Variants in CYB561 observed in about 807,000 individuals in gnomAD.
CYB561 encodes cytochrome b561.
CYB561 carries 11 observed loss-of-function variants against 25.3 expected under a neutral mutation model. The ratio of observed to expected loss-of-function variants is 0.44; its 90% confidence interval spans 0.27 to 0.72. CYB561 has a LOEUF of 0.72. CYB561 is among the 30% of genes least tolerant of loss of function. The pLI, the probability that CYB561 is intolerant of heterozygous loss-of-function variation, is 0.18. For missense variants in CYB561, 295 were observed against 334.9 expected, an observed-to-expected ratio of 0.88 and a Z score of 0.93; for synonymous variants, 165 against 158.8, an observed-to-expected ratio of 1.04 and a Z score of -0.29.
At chr17:63,443,503 C>T (rs922282166) in intron 1 of CYB561, among the ~76,000 whole-genome samples, 3 of 152,192 alleles carry the variant, frequency 2.0e-5, no homozygotes, top group Non-Finnish European at 2.9e-5. Flanking sequence ...TCCTTTCTCC[C>T]ACAAGACAGA....
At chr17:63,435,622 CA>C in intron 4 of CYB561, 65 bp downstream of exon 4, 1 of 1,304,618 alleles carries the variant, frequency 7.7e-7, no homozygotes, top group East Asian at 2.3e-5. Context: ...CATTTCAGCC[CA>C]GCTCCCCTCC....
At chr17:63,438,279 G>A (rs1016951060) in intron 1 of CYB561, 2 of 1,440,586 alleles carry the variant, frequency 1.4e-6, no homozygotes, top group African/African-American at 2.8e-5. Flanking sequence ...ACACAGGCAA[G>A]CGCGCTCCTT....
chr17:63,433,767 C>T lies in CYB561; in HGVS notation c.*635G>A. On this transcript the variant is annotated 3_prime_UTR_variant, in exon 6 of 6. Transcript: ENST00000360793. ...TCATGGGCTTCTATCCCCTCTCCCA[C>T]CAAAGCCATCCTAGGGCTAAAGGGT... 4.8e-6 allele frequency: 1 copy of T among 209,086 alleles called. No homozygotes were observed. The highest frequency in any genetic ancestry group is 9.4e-6 in the Non-Finnish European group (1 of 106,456). 13.0% of individuals were successfully genotyped at this position (209,086 alleles called of 1,614,324 possible).
At chr17:63,446,598 G>A (rs995045208), upstream of CYB561, among the ~76,000 whole-genome samples, 3 of 152,062 alleles carry the variant, frequency 2.0e-5, no homozygotes, top group African/African-American at 7.2e-5. Context: ...GGCCTGCCTC[G>A]AGGGCCGCGG....
At position 63,434,157 on chromosome 17, in the gene CYB561, T is replaced by G. The variant is rs909161126; in HGVS notation, c.*245A>C. ...AACACCCGAAGTCCTACCCAAAGCC[T>G]TCTGCACTGAAGGGGGCAACAGAGA... On this transcript the variant is annotated 3_prime_UTR_variant, in exon 6 of 6. Transcript: ENST00000360793. The G allele has an allele frequency of 1.0e-4, 51 of 491,382 alleles. No homozygotes were observed. Among genetic ancestry groups the G allele is most frequent in the Middle Eastern group, 1.0e-3 (2 of 1,930 alleles). The allele number at this position is 491,382 out of a possible 1,614,324, so 30.4% of individuals were successfully genotyped here. A position where few individuals can be genotyped will look rare whatever the true frequency, so the allele number is the denominator to read the frequency against.
intron 1 of CYB561, chr17:63,438,248 G>T: frequency 1.3e-6 from 2 of 1,534,666 alleles, no homozygotes; most frequent in Non-Finnish European, 1.7e-6. Flanking sequence ...GCCTTCCCTG[G>T]GTGGGCTTTA....
chr17:63,438,203 G>C, intron 1 of CYB561: 4 of 1,535,702 alleles, frequency 2.6e-6, no homozygotes, highest in Non-Finnish European at 3.5e-6. Context: ...CAAGGGCCCA[G>C]TGCCCGGCTT....
At position 63,434,499 on chromosome 17, in the gene CYB561, G is replaced by A; in HGVS notation, c.659C>T (p.Thr220Ile). Residue 220 changes from threonine (T) to isoleucine (I), a missense_variant, in exon 6 of 6, where the codon ACC becomes ATC. Coordinates refer to ENST00000360793, the MANE Select transcript of CYB561 (RefSeq NM_001915.4). ...GGAAGGCCGCTTCCAGTCGGCCCGGGTCAAGATGTAGAGCACCGCCCCACC... is the reference window on the plus strand; with the variant it reads ...GGAAGGCCGCTTCCAGTCGGCCCGGATCAAGATGTAGAGCACCGCCCCACC... Reference protein sequence around the residue: ...CFGGAVLYILTRADWKRPSQA... With the variant: ...CFGGAVLYILIRADWKRPSQA... The A allele has an allele frequency of 6.2e-7, 1 of 1,613,392 alleles. No individual in the cohort carries two copies. Among genetic ancestry groups the A allele is most frequent in the Non-Finnish European group, 8.5e-7 (1 of 1,179,858 alleles).
At position 63,434,644 on chromosome 17, in the gene CYB561, C is replaced by T. The variant is rs370305382; in HGVS notation, c.564-50G>A. 1.8e-5 allele frequency: 28 copies of T among 1,515,026 alleles called. No homozygotes were observed. The African/African-American group carries it at 3.7e-4, about 20-fold the overall frequency. The allele number at this position is 1,515,026 out of a possible 1,614,324, so 93.8% of individuals were successfully genotyped here. ...AGCTGCCCAAGGGGTCACAATTAGG[C>T]CAAATGCCCTTTGTATCCTGGGCCT... On this transcript the variant is annotated intron_variant, in intron 5 of 5. Transcript: ENST00000360793.
At chr17:63,446,158 C>A (rs1296099884) in intron 1 of CYB561, 87 bp downstream of exon 1, 4 of 152,204 alleles carry the variant, frequency 2.6e-5, no homozygotes, top group African/African-American at 9.7e-5. Flanking sequence ...CCCGCGCTGT[C>A]CCTCCCTGCG....
At chr17:63,439,731 C>G (rs549861440) in intron 1 of CYB561, among the ~76,000 whole-genome samples, 2 of 152,276 alleles carry the variant, frequency 1.3e-5, no homozygotes, top group African/African-American at 4.8e-5. Context: ...ATTTTCTAAC[C>G]TGCTTTTTAA....
Position 63,433,984 on chromosome 17 carries a change from G to A in CYB561, c.*418C>T, listed in dbSNP as rs771462058. 5.0e-6 allele frequency: 1 copy of A among 199,602 alleles called. No homozygotes were observed. Among genetic ancestry groups the A allele is most frequent in the South Asian group, 1.8e-4 (1 of 5,466 alleles). The allele number at this position is 199,602 out of a possible 1,614,324, so 12.4% of individuals were successfully genotyped here. On this transcript the variant is annotated 3_prime_UTR_variant, in exon 6 of 6. Transcript: ENST00000360793. The stretch of plus-strand genomic sequence containing the variant: ...GTTATTCAGGCTGGAGGGACTCCTT[G>A]TTTGAATTCAGCAGCCATCGTGGCC...
At chr17:63,437,248 C>T in intron 2 of CYB561, 98 bp downstream of exon 2, 1 of 919,164 alleles carries the variant, frequency 1.1e-6, no homozygotes, top group East Asian at 2.4e-5. Context: ...TTAGATTTGT[C>T]CAACCAGAAG....
At position 63,434,165 on chromosome 17, in the gene CYB561, T is replaced by C; in HGVS notation, c.*237A>G. On this transcript the variant is annotated 3_prime_UTR_variant, in exon 6 of 6. Coordinates refer to ENST00000360793, the MANE Select transcript of CYB561 (RefSeq NM_001915.4). The stretch of plus-strand genomic sequence containing the variant: ...AAGTCCTACCCAAAGCCTTCTGCAC[T>C]GAAGGGGGCAACAGAGACACGGGAG... The C allele has an allele frequency of 3.9e-6, 2 of 506,938 alleles. No individual in the cohort carries two copies. The highest frequency in any genetic ancestry group is 3.4e-5 in the South Asian group (1 of 29,116). The allele number at this position is 506,938 out of a possible 1,614,324, so 31.4% of individuals were successfully genotyped here.
intron 1 of CYB561, among the ~76,000 whole-genome samples, chr17:63,444,901 C>G (rs2049408714): frequency 6.6e-6 from 1 of 152,180 alleles, no homozygotes; most frequent in African/African-American, 2.4e-5. Flanking sequence ...CAAGGCTGGG[C>G]ACGGTGGCTC....
In CYB561 at chr17:63,434,570, G is replaced by A. The variant is rs775684928; in HGVS notation, c.588C>T (p.Pro196=). Residue 196 remains proline, a synonymous_variant, in exon 6 of 6, where the codon CCC becomes CCT. Transcript: ENST00000360793. The part of the protein sequence containing the change: ...NLGGKYSAFE[P]EGVLANVLGL... ...CCAGCACGTTGGCCAGGACACCCTC[G>A]GGCTCAAATGCGCTATACTTGCCCC... The A allele has an allele frequency of 9.3e-6, 15 of 1,611,432 alleles. No homozygotes were observed. In the East Asian group the frequency reaches 1.3e-4, roughly 14 times the overall value.
rs952070935 is a variant in CYB561 at position 63,445,726 on chromosome 17, C to G, written c.-14+519G>C. Among the ~76,000 whole-genome samples, 3 of 152,206 alleles carry G rather than the reference C, an allele frequency of 2.0e-5. No homozygotes were observed. The East Asian group carries it at 5.8e-4, about 29-fold the overall frequency. ...ACCGAAGCCATGGGGCTTTCCCACT[C>G]GGGAAACTCCCACCCTCGCGCTCAG... is the stretch of plus-strand genomic sequence containing the variant. On this transcript the variant is annotated intron_variant, in intron 1 of 5. Coordinates refer to ENST00000360793, the MANE Select transcript of CYB561 (RefSeq NM_001915.4).
chr17:63,440,645 G>A (rs944362114), intron 1 of CYB561: 10 of 168,846 alleles, frequency 5.9e-5, no homozygotes, highest in Admixed American at 4.5e-4. Flanking sequence ...TCCCTGCTGT[G>A]GGCCCACACC....
Position 63,433,235 on chromosome 17 carries a change from G to GTGTT in CYB561, c.*1163_*1166dup, listed in dbSNP as rs774629577. On this transcript the variant is annotated 3_prime_UTR_variant, in exon 6 of 6. Transcript: ENST00000360793. Reference sequence around the variant, plus strand: ...TTTTTAGTAGAGACGGGGTTTCACTGTGTTTGTTAGTCAGGATGGTCTTGA... The same window carrying GTGTT: ...TTTTTAGTAGAGACGGGGTTTCACTGTGTTTGTTTGTTAGTCAGGATGGTCTTGA... 7.6e-6 allele frequency: 3 copies of GTGTT among 394,932 alleles called. No individual in the cohort carries two copies. Among genetic ancestry groups the GTGTT allele is most frequent in the Non-Finnish European group, 1.3e-5 (3 of 223,958 alleles). 24.5% of individuals were successfully genotyped at this position (394,932 alleles called of 1,614,324 possible). A position where few individuals can be genotyped will look rare whatever the true frequency, so the allele number is the denominator to read the frequency against.
Sources: allele counts gnomAD v4.1 joint callset (sites outside exome capture counted in the v4.1 genomes callset), GRCh38; gene constraint gnomAD v4.1.1; transcripts MANE v1.5; gene names NCBI Gene and HGNC (gene_info 2026-07-23, HGNC 2026-07-21).